The following PREX2 variants were observed in gnomAD, a reference collection of about 807,000 sequenced individuals.
PREX2 encodes phosphatidylinositol 3,4,5-trisphosphate-dependent Rac exchanger 2 protein.
A neutral mutation model predicts 203.2 loss-of-function variants in PREX2; 107 were observed. That is an observed-to-expected ratio of 0.53 (90% CI 0.45 to 0.62). The LOEUF is 0.62. Among genes scored for constraint, PREX2 ranks in the 20% least tolerant of loss-of-function variants. The probability of loss-of-function intolerance (pLI) is 0.00; values close to 1 mark genes in which losing one functional copy is unlikely to be tolerated. For missense variants in PREX2, 1,777 were observed against 1,955.9 expected (o/e 0.91, Z 1.72); for synonymous variants, 672 against 663.6 (o/e 1.01, Z -0.19).
chr8:68,050,035 A>G (rs1808477926), intron 8 of PREX2, among the ~76,000 whole-genome samples: 1 of 151,718 alleles, frequency 6.6e-6, no homozygotes, highest in African/African-American at 2.4e-5. Context: ...TGTATATTCA[A>G]TTGTATATGT....
intron 1 of PREX2, among the ~76,000 whole-genome samples, chr8:67,990,878 A>G (rs1273298556): frequency 6.6e-6 from 1 of 152,104 alleles, no homozygotes; most frequent in Non-Finnish European, 1.5e-5. Flanking sequence ...AATGTTAGAC[A>G]TTAGTGATAC....
At position 68,101,935 on chromosome 8, in the gene PREX2, T is replaced by C. The variant is rs577529066; in HGVS notation, c.2715+2092T>C. On this transcript the variant is annotated intron_variant, in intron 23 of 39. Transcript: ENST00000288368. ...ATATTAGGTAGCAAATTGATGCAGC[T>C]GCTTTAAGAATAAGGACCAAGAGAA... 7.6e-4 allele frequency among the ~76,000 whole-genome samples: 115 copies of C among 152,296 alleles called. 2 individuals carry two copies. The highest frequency in any genetic ancestry group is 1.5e-3 in the Non-Finnish European group (101 of 68,010).
intron 35 of PREX2, among the ~76,000 whole-genome samples, chr8:68,188,705 C>T (rs529562176): frequency 4.9e-4 from 75 of 152,174 alleles, no homozygotes; most frequent in African/African-American, 1.8e-3. Context: ...TATACAAAAC[C>T]ATCAGATCTT....
intron 35 of PREX2, among the ~76,000 whole-genome samples, chr8:68,186,792 G>T (rs1812200110): frequency 6.6e-6 from 1 of 152,210 alleles, no homozygotes; most frequent in Non-Finnish European, 1.5e-5. Flanking sequence ...GATTACAGGT[G>T]TGAGCCACCG....
At chr8:68,036,898 C>A (rs1018122507) in intron 6 of PREX2, among the ~76,000 whole-genome samples, 1 of 152,044 alleles carries the variant, frequency 6.6e-6, no homozygotes, top group Admixed American at 6.6e-5. Flanking sequence ...CAATATCGTG[C>A]CATTGCACTC....
At chr8:68,029,805 C>T (rs1807826769) in intron 5 of PREX2, among the ~76,000 whole-genome samples, 1 of 152,030 alleles carries the variant, frequency 6.6e-6, no homozygotes, top group Non-Finnish European at 1.5e-5. Context: ...AAGGATTATT[C>T]TAGTTTTGAT....
At position 68,113,782 on chromosome 8, in the gene PREX2, T is replaced by A. The variant is rs117110420; in HGVS notation, c.3147-1971T>A. On this transcript the variant is annotated intron_variant, in intron 25 of 39. Transcript: ENST00000288368. ...CATTTGATATACTAGAAAGTTTACT[T>A]GTTTTTACTTGTCTTCTCTCAGTAG... Among the ~76,000 whole-genome samples, 935 of 152,302 alleles carry A rather than the reference T, an allele frequency of 6.1e-3. 6 individuals carry two copies. The highest frequency in any genetic ancestry group is 0.01 in the Non-Finnish European group (699 of 68,026).
intron 35 of PREX2, among the ~76,000 whole-genome samples, chr8:68,161,106 T>G (rs368970990): frequency 0.013 from 1,887 of 150,148 alleles, 14 homozygotes; most frequent in Middle Eastern, 0.031. Flanking sequence ...TCTTTTTTTT[T>G]GGGGGGGGGA....
chr8:68,147,994 C>T (rs374417836), intron 34 of PREX2, among the ~76,000 whole-genome samples: 1 of 152,134 alleles, frequency 6.6e-6, no homozygotes, highest in African/African-American at 2.4e-5. Context: ...CGCATGTAAT[C>T]CTAGCACTTT....
Position 68,044,562 on chromosome 8 carries a change from G to A in PREX2, c.915G>A (p.Met305Ile). The change falls in exon 8 of 40, where the codon ATG becomes ATA. Residue 305 changes from methionine to isoleucine, a missense_variant. By Grantham distance (10) the Met-to-Ile change is conservative. Transcript: ENST00000288368. ...LFRGRINTEV[M>I]EVENVDDGTA... ...GTGGCCGGATCAACACGGAGGTGAT[G>A]GAAGTGGAGAATGTGGATGATGGCA... is the stretch of plus-strand genomic sequence containing the variant. 2 of 1,612,892 alleles carry A rather than the reference G, an allele frequency of 1.2e-6. No individual in the cohort carries two copies. Among genetic ancestry groups the A allele is most frequent in the Non-Finnish European group, 8.5e-7 (1 of 1,179,114 alleles).
At chr8:68,101,536 G>C in intron 23 of PREX2, 1 of 489,552 alleles carries the variant, frequency 2.0e-6, no homozygotes, top group South Asian at 1.5e-5. Context: ...TGGAGTTGAA[G>C]GACAGAAGAT....
intron 39 of PREX2, among the ~76,000 whole-genome samples, chr8:68,227,969 A>G (rs1813084701): frequency 6.6e-6 from 1 of 152,200 alleles, no homozygotes; most frequent in Non-Finnish European, 1.5e-5. Context: ...TTGGGGTATT[A>G]AGATGGATGA....
chr8:68,081,259 G>A (rs999585485), intron 17 of PREX2, among the ~76,000 whole-genome samples: 5 of 152,214 alleles, frequency 3.3e-5, no homozygotes, highest in Middle Eastern at 6.8e-3. Context: ...TTGGGTTCGC[G>A]CTCCTATGAG....
At chr8:68,124,429 G>C (rs1030445420) in intron 30 of PREX2, among the ~76,000 whole-genome samples, 2 of 152,082 alleles carry the variant, frequency 1.3e-5, no homozygotes, top group African/African-American at 2.4e-5. Flanking sequence ...ATAAGTGGAA[G>C]CTAAATGATG....
intron 25 of PREX2, among the ~76,000 whole-genome samples, chr8:68,114,661 T>G (rs1810605519): frequency 6.6e-6 from 1 of 152,202 alleles, no homozygotes; most frequent in Admixed American, 6.5e-5. Flanking sequence ...CATTTTAGCC[T>G]GGAGCCAGGT....
intron 1 of PREX2, among the ~76,000 whole-genome samples, chr8:67,985,119 C>T (rs775266930): frequency 2.4e-4 from 36 of 151,754 alleles, no homozygotes; most frequent in Non-Finnish European, 4.6e-4. Context: ...CAGAGAAAAA[C>T]GCTTTTGGAT....
intron 34 of PREX2, among the ~76,000 whole-genome samples, chr8:68,151,251 T>G (rs957055787): frequency 6.6e-6 from 1 of 151,546 alleles, no homozygotes. Flanking sequence ...TGAGACCTCA[T>G]CTCTTAAAAA....
At chr8:67,985,798 G>T (rs1415583993) in intron 1 of PREX2, among the ~76,000 whole-genome samples, 1 of 152,194 alleles carries the variant, frequency 6.6e-6, no homozygotes, top group African/African-American at 2.4e-5. Context: ...GGCTTGGCTG[G>T]TCCTAGGGGC....
At chr8:68,201,342 A>C (rs1260361249) in intron 37 of PREX2, among the ~76,000 whole-genome samples, 1 of 152,180 alleles carries the variant, frequency 6.6e-6, no homozygotes, top group Non-Finnish European at 1.5e-5. Context: ...CTAGAGGGAC[A>C]GAACTAATAG....
Sources: allele counts gnomAD v4.1 joint callset (sites outside exome capture counted in the v4.1 genomes callset), GRCh38; gene constraint gnomAD v4.1.1; transcripts MANE v1.5; gene names NCBI Gene and HGNC (gene_info 2026-07-23, HGNC 2026-07-21).